The following PARP8 variants were observed in gnomAD, a reference collection of about 807,000 sequenced individuals.
The protein encoded by PARP8 is poly(ADP-ribose) polymerase family member 8, also known as protein mono-ADP-ribosyltransferase PARP8.
A neutral mutation model predicts 124.1 loss-of-function variants in PARP8; 51 were observed. The observed-to-expected ratio is 0.41, with a 90% CI of 0.33 to 0.52. PARP8 has a LOEUF of 0.52. Ranked by LOEUF, PARP8 falls within the 20% of genes least tolerant of loss-of-function variation. PARP8 has a pLI of 0.21. For missense variants in PARP8, 860 were observed against 1,018.9 expected (o/e 0.84, Z 2.12); for synonymous variants, 391 against 361.5 (o/e 1.08, Z -0.93).
intron 2 of PARP8, among the ~76,000 whole-genome samples, chr5:50,683,128 G>A (rs1488984718): frequency 6.6e-6 from 1 of 152,144 alleles, no homozygotes; most frequent in Non-Finnish European, 1.5e-5. Flanking sequence ...CATGGTTAAT[G>A]CAGCAGGGGC....
At chr5:50,751,957 T>A (rs1759310751) in intron 3 of PARP8, among the ~76,000 whole-genome samples, 1 of 152,172 alleles carries the variant, frequency 6.6e-6, no homozygotes, top group South Asian at 2.1e-4. Flanking sequence ...CTTACGTGTT[T>A]GTTCTTCCTT....
chr5:50,769,269 G>A (rs1761357656), intron 7 of PARP8, among the ~76,000 whole-genome samples: 1 of 150,842 alleles, frequency 6.6e-6, no homozygotes, highest in Admixed American at 6.6e-5. Context: ...GTAGATAAGG[G>A]TCGTACTGAT....
At chr5:50,726,598 G>A (rs1004921562) in intron 2 of PARP8, among the ~76,000 whole-genome samples, 2 of 152,272 alleles carry the variant, frequency 1.3e-5, no homozygotes, top group African/African-American at 4.8e-5. Flanking sequence ...TGAGCACAGC[G>A]ATGATTGAGG....
In PARP8 at chr5:50,669,587, A is replaced by G. The variant is rs1489116157; in HGVS notation, c.146+1462A>G. 3 of 152,330 alleles carry G rather than the reference A, an allele frequency of 2.0e-5. No individual in the cohort carries two copies. In the East Asian group the frequency reaches 5.8e-4, roughly 29 times the overall value. The allele number at this position is 152,330 out of a possible 1,614,324, so 9.4% of individuals were successfully genotyped here. A position where few individuals can be genotyped will look rare whatever the true frequency, so the allele number is the denominator to read the frequency against. On this transcript the variant is annotated intron_variant, in intron 2 of 25. Coordinates refer to ENST00000281631, the MANE Select transcript of PARP8 (RefSeq NM_024615.4). ...TCTGTACAATCAAAGGGTAAATCAT[A>G]TGCTTAATCACTAAGATCTGTTAGA...
intron 2 of PARP8, among the ~76,000 whole-genome samples, chr5:50,705,788 A>C (rs147062798): frequency 7.2e-5 from 11 of 152,280 alleles, no homozygotes; most frequent in Non-Finnish European, 1.2e-4. Context: ...TCCCAAAAAA[A>C]AAAGGGGGGT....
chr5:50,823,614 A>G (rs1276105877), intron 17 of PARP8, among the ~76,000 whole-genome samples: 1 of 152,252 alleles, frequency 6.6e-6, no homozygotes, highest in Non-Finnish European at 1.5e-5. Flanking sequence ...TATCTTATAC[A>G]AAATCATATA....
intron 2 of PARP8, chr5:50,738,916 G>GT: frequency 1.4e-6 from 1 of 696,846 alleles, no homozygotes; most frequent in South Asian, 1.5e-5. Flanking sequence ...CGTAGGCTTA[G>GT]TTTACATCAG....
At chr5:50,667,813 C>T in intron 1 of PARP8, 4 of 1,085,494 alleles carry the variant, frequency 3.7e-6, no homozygotes, top group Admixed American at 2.0e-5. Context: ...GAGGCTGCTT[C>T]CGGCCTCCCC....
intron 2 of PARP8, among the ~76,000 whole-genome samples, chr5:50,715,668 G>A (rs1320886046): frequency 7.2e-5 from 11 of 152,022 alleles, no homozygotes; most frequent in African/African-American, 2.2e-4. Flanking sequence ...AGGGGAACAG[G>A]TAAATATTGA....
chr5:50,752,641 T>C (rs890001701), intron 3 of PARP8, among the ~76,000 whole-genome samples: 2 of 152,088 alleles, frequency 1.3e-5, no homozygotes, highest in African/African-American at 4.8e-5. Flanking sequence ...ATTTAAAAGA[T>C]TCTTTCAAAC....
chr5:50,726,960 C>G (rs1329400584), intron 2 of PARP8, among the ~76,000 whole-genome samples: 1 of 152,122 alleles, frequency 6.6e-6, no homozygotes, highest in African/African-American at 2.4e-5. Flanking sequence ...TTAGGAACTA[C>G]TCTCTCATTT....
chr5:50,679,492 C>A (rs536231419), intron 2 of PARP8, among the ~76,000 whole-genome samples: 1 of 152,284 alleles, frequency 6.6e-6, no homozygotes, highest in Non-Finnish European at 1.5e-5. Flanking sequence ...TCTGTGAAGT[C>A]AAAAATCCTG....
intron 2 of PARP8, among the ~76,000 whole-genome samples, chr5:50,673,092 T>C (rs1476750037): frequency 2.6e-5 from 4 of 152,198 alleles, no homozygotes; most frequent in Non-Finnish European, 4.4e-5. Flanking sequence ...ATATCACTTA[T>C]TATATATTCA....
rs765856004 is a variant in PARP8 at position 50,763,246 on chromosome 5, A to G, written c.518+4A>G. On this transcript the variant is annotated splice_donor_region_variant and intron_variant, in intron 7 of 25. Coordinates refer to ENST00000281631, the MANE Select transcript of PARP8 (RefSeq NM_024615.4). The stretch of plus-strand genomic sequence containing the variant: ...GGCCACATGCAGTTTCTCTCAGGTA[A>G]ATAAGTATCACTGGTGAATAAAATT... 19 of 1,583,378 alleles carry G rather than the reference A, an allele frequency of 1.2e-5. No individual in the cohort carries two copies. In the East Asian group the frequency reaches 3.8e-4, roughly 32 times the overall value.
intron 2 of PARP8, among the ~76,000 whole-genome samples, chr5:50,738,387 C>G (rs189197477): frequency 1.3e-5 from 2 of 152,094 alleles, no homozygotes; most frequent in East Asian, 3.9e-4. Flanking sequence ...AAAATTTATT[C>G]TATAAAATTT....
intron 14 of PARP8, among the ~76,000 whole-genome samples, chr5:50,803,407 A>C (rs1462583456): frequency 6.6e-6 from 1 of 152,122 alleles, no homozygotes; most frequent in Non-Finnish European, 1.5e-5. Flanking sequence ...TATATATTCA[A>C]GTATTCCTCT....
intron 2 of PARP8, 96 bp from the exon 3 acceptor site, chr5:50,750,055 C>A: frequency 1.1e-6 from 1 of 938,562 alleles, no homozygotes. Flanking sequence ...ATCTTTATAA[C>A]TGAATGGGTA....
intron 14 of PARP8, among the ~76,000 whole-genome samples, chr5:50,804,084 A>G (rs1210657820): frequency 1.3e-5 from 2 of 152,156 alleles, no homozygotes; most frequent in African/African-American, 2.4e-5. Flanking sequence ...TTCCAGAAAT[A>G]TATGTGAGTT....
Position 50,815,417 on chromosome 5 carries a change from CT to C in PARP8, c.1576-10del, listed in dbSNP as rs774257963. On this transcript the variant is annotated splice_polypyrimidine_tract_variant and intron_variant, in intron 14 of 25. Coordinates refer to ENST00000281631, the MANE Select transcript of PARP8 (RefSeq NM_024615.4). Reference sequence around the variant, plus strand: ...TGGAAAAAAGTTTTGTGATTGATTCCTTTTTCTTTTGTAGCCTACCGTATGT... The same window carrying C: ...TGGAAAAAAGTTTTGTGATTGATTCCTTTTCTTTTGTAGCCTACCGTATGT... 3.3e-6 allele frequency: 5 copies of C among 1,535,950 alleles called. No individual in the cohort carries two copies. Among genetic ancestry groups the C allele is most frequent in the Admixed American group, 2.2e-5 (1 of 45,324 alleles).
Sources: gnomAD v4.1 joint callset for allele counts (sites outside exome capture counted in the v4.1 genomes callset) on GRCh38, gnomAD v4.1.1 for gene constraint, MANE v1.5 for transcripts, NCBI Gene and HGNC (gene_info 2026-07-23, HGNC 2026-07-21) for gene names.